Variants in KCNMB4 observed in about 807,000 individuals in gnomAD.
KCNMB4 encodes the protein potassium calcium-activated channel subfamily M regulatory beta subunit 4.
In KCNMB4, 3 loss-of-function variants were observed where a neutral mutation model predicts 20.7. The ratio of observed to expected loss-of-function variants is 0.14; its 90% CI spans 0.07 to 0.37. The LOEUF is 0.37. Among genes scored for constraint, KCNMB4 ranks in the 10% least tolerant of loss-of-function variants. The pLI, the probability that KCNMB4 is intolerant of heterozygous loss-of-function variation, is 1.00. For synonymous variants in KCNMB4, 110 were observed against 113.4 expected, an observed-to-expected ratio of 0.97 and a Z score of 0.19; for missense variants, 168 against 265.9, an observed-to-expected ratio of 0.63 and a Z score of 2.56.
At chr12:70,402,297 A>G (rs1263068421) in intron 2 of KCNMB4, among the ~76,000 whole-genome samples, 2 of 152,088 alleles carry the variant, frequency 1.3e-5, no homozygotes, top group Non-Finnish European at 2.9e-5. Flanking sequence ...GGTAATCAGA[A>G]TTTTGACTCA....
At chr12:70,372,331 A>G (rs1209165828) in intron 1 of KCNMB4, among the ~76,000 whole-genome samples, 1 of 152,222 alleles carries the variant, frequency 6.6e-6, no homozygotes, top group South Asian at 2.1e-4. Flanking sequence ...CTTTTAAAAA[A>G]TGCAAATGAT....
chr12:70,406,755 C>G (rs1868613378), intron 2 of KCNMB4, among the ~76,000 whole-genome samples: 1 of 152,164 alleles, frequency 6.6e-6, no homozygotes, highest in African/African-American at 2.4e-5. Flanking sequence ...GTTGTAAGGG[C>G]TGCCTCCCCC....
At chr12:70,424,427 C>T (rs1260564732) in intron 2 of KCNMB4, among the ~76,000 whole-genome samples, 2 of 125,696 alleles carry the variant, frequency 1.6e-5, no homozygotes, top group Non-Finnish European at 3.2e-5. Flanking sequence ...GGCAACAGAG[C>T]GAGACTCCAT....
At chr12:70,370,115 A>G (rs139854997) in intron 1 of KCNMB4, among the ~76,000 whole-genome samples, 4 of 152,222 alleles carry the variant, frequency 2.6e-5, no homozygotes, top group African/African-American at 9.6e-5. Context: ...GGGCCTGGGC[A>G]TTGATGTTTT....
intron 2 of KCNMB4, among the ~76,000 whole-genome samples, chr12:70,421,168 G>A (rs532975925): frequency 6.6e-6 from 1 of 152,056 alleles, no homozygotes; most frequent in Non-Finnish European, 1.5e-5. Flanking sequence ...CTAGATTTGA[G>A]GTCACCTATG....
chr12:70,366,686 G>A lies in KCNMB4; in HGVS notation c.-49G>A. 2 of 1,378,610 alleles carry A rather than the reference G, an allele frequency of 1.5e-6. No homozygotes were observed. Among genetic ancestry groups the A allele is most frequent in the Non-Finnish European group, 1.9e-6 (2 of 1,057,408 alleles). The allele number at this position is 1,378,610 out of a possible 1,614,324, so 85.4% of individuals were successfully genotyped here. A position where few individuals can be genotyped will look rare whatever the true frequency, so the allele number is the denominator to read the frequency against. On this transcript the variant is annotated 5_prime_UTR_variant, in exon 1 of 3. Transcript: ENST00000258111. ...CCGAGGCAGTCGGGCTCGGCGCCGG[G>A]GGCGGGAGGGGGCGGGGGGAGCACG...
intron 1 of KCNMB4, among the ~76,000 whole-genome samples, chr12:70,395,250 T>C (rs934042396): frequency 3.3e-5 from 5 of 152,108 alleles, no homozygotes; most frequent in Non-Finnish European, 5.9e-5. Context: ...CTACCCTCCC[T>C]AACCAAATGA....
chr12:70,381,633 T>C (rs1883788299), intron 1 of KCNMB4, among the ~76,000 whole-genome samples: 1 of 152,204 alleles, frequency 6.6e-6, no homozygotes, highest in Admixed American at 6.5e-5. Context: ...ACACACGTTA[T>C]ATGAGTCCAT....
chr12:70,387,398 A>ATTTT (rs200125786), intron 1 of KCNMB4, among the ~76,000 whole-genome samples: 2 of 123,990 alleles, frequency 1.6e-5, no homozygotes, highest in Non-Finnish European at 3.3e-5. Flanking sequence ...AAATTTTTTA[A>ATTTT]TTTTTTTTTT....
chr12:70,403,407 A>G (rs1868510964), intron 2 of KCNMB4, among the ~76,000 whole-genome samples: 1 of 152,124 alleles, frequency 6.6e-6, no homozygotes, highest in Non-Finnish European at 1.5e-5. Flanking sequence ...ATCTTGGCTC[A>G]CTGCAACCTC....
intron 1 of KCNMB4, among the ~76,000 whole-genome samples, chr12:70,371,872 A>C (rs1320229551): frequency 2.6e-5 from 4 of 152,214 alleles, no homozygotes; most frequent in Non-Finnish European, 5.9e-5. Context: ...ACAGACAAGA[A>C]ATAAATGTAT....
rs564446187 is a variant in KCNMB4, at chr12:70,376,498, C to T, written c.336+9428C>T. ...CTAATAAATGAATTCAGCAAAGTTG[C>T]AGGATACAATATCAATATACAAAAA... On this transcript the variant is annotated intron_variant, in intron 1 of 2. Coordinates refer to ENST00000258111, the MANE Select transcript of KCNMB4 (RefSeq NM_014505.6). 3.5e-4 allele frequency among the ~76,000 whole-genome samples: 53 copies of T among 152,202 alleles called. 1 individual carries two copies. Among genetic ancestry groups the T allele is most frequent in the African/African-American group, 1.2e-3 (48 of 41,532 alleles).
At chr12:70,429,328 A>T (rs1337050873) in intron 2 of KCNMB4, among the ~76,000 whole-genome samples, 1 of 152,148 alleles carries the variant, frequency 6.6e-6, no homozygotes, top group Non-Finnish European at 1.5e-5. Context: ...AACCTTGTGG[A>T]TGAAACGGAA....
chr12:70,399,828 G>A (rs1868405898), intron 1 of KCNMB4, among the ~76,000 whole-genome samples: 1 of 152,166 alleles, frequency 6.6e-6, no homozygotes, highest in Non-Finnish European at 1.5e-5. Context: ...AGACAGAAAT[G>A]CCAAGGTTCA....
intron 2 of KCNMB4, among the ~76,000 whole-genome samples, chr12:70,401,549 C>T (rs773741513): frequency 6.6e-6 from 1 of 152,096 alleles, no homozygotes; most frequent in African/African-American, 2.4e-5. Flanking sequence ...CAGAATAAAG[C>T]TCAAACATCT....
chr12:70,405,504 C>T (rs1049175559), intron 2 of KCNMB4, among the ~76,000 whole-genome samples: 4 of 152,168 alleles, frequency 2.6e-5, no homozygotes, highest in East Asian at 1.9e-4. Flanking sequence ...GGTGAGGATA[C>T]GGACAAATTG....
At chr12:70,404,229 T>C (rs1868534442) in intron 2 of KCNMB4, among the ~76,000 whole-genome samples, 1 of 152,036 alleles carries the variant, frequency 6.6e-6, no homozygotes, top group Admixed American at 6.6e-5. Context: ...ATATAGGCAA[T>C]AAAAATTTGT....
chr12:70,401,781 A>G (rs1868458858), intron 2 of KCNMB4, among the ~76,000 whole-genome samples: 1 of 151,996 alleles, frequency 6.6e-6, no homozygotes, highest in South Asian at 2.1e-4. Flanking sequence ...GCGCCTCAGT[A>G]TCCCCACCAC....
At chr12:70,420,730 T>A (rs141499724) in intron 2 of KCNMB4, among the ~76,000 whole-genome samples, 178 of 152,318 alleles carry the variant, frequency 1.2e-3, no homozygotes, top group Non-Finnish European at 1.7e-3. Flanking sequence ...ACTTTTACAA[T>A]GAATATGAGC....
Sources: allele counts gnomAD v4.1 joint callset (sites outside exome capture counted in the v4.1 genomes callset), GRCh38; gene constraint gnomAD v4.1.1; transcripts MANE v1.5; gene names NCBI Gene and HGNC (gene_info 2026-07-23, HGNC 2026-07-21).